The following DPF1 variants were observed in gnomAD, a reference collection of about 807,000 sequenced individuals.
DPF1 encodes the protein zinc finger protein neuro-d4.
DPF1 carries 14 observed loss-of-function variants against 58.7 expected under a neutral mutation model. That is an observed-to-expected ratio of 0.24 (90% CI 0.16 to 0.37). The LOEUF (loss-of-function observed/expected upper bound fraction) is 0.37. DPF1 is among the 10% of genes least tolerant of loss of function. The pLI is 1.00. For missense variants in DPF1, 345 were observed against 529.9 expected (o/e 0.65, Z 3.43); for synonymous variants, 216 against 216.0 (o/e 1.00, Z 0.00).
intron 10 of DPF1, among the ~76,000 whole-genome samples, chr19:38,213,267 G>A (rs146412584): frequency 1.3e-4 from 20 of 152,206 alleles, no homozygotes; most frequent in East Asian, 3.9e-4. Flanking sequence ...GAGCCACCGC[G>A]CTCCGCCTGT....
chr19:38,220,634 G>A (rs564374306), intron 3 of DPF1, among the ~76,000 whole-genome samples: 81 of 149,590 alleles, frequency 5.4e-4, no homozygotes, highest in African/African-American at 1.9e-3. Context: ...AAAAGAAAAA[G>A]AAAAAGAAAA....
In DPF1 at chr19:38,224,117, A is replaced by G; in HGVS notation, c.26T>C (p.Leu9Pro). The G allele has an allele frequency of 6.7e-7, 1 of 1,496,898 alleles. No individual in the cohort carries two copies. The highest frequency in any genetic ancestry group is 8.8e-7 in the Non-Finnish European group (1 of 1,133,464). The allele number at this position is 1,496,898 out of a possible 1,614,324, so 92.7% of individuals were successfully genotyped here. A position where few individuals can be genotyped will look rare whatever the true frequency, so the allele number is the denominator to read the frequency against. MATVIPGP[L>P]SLGEDFYREA... ...GCCTCCCGCCGGCCCGCACCACCTC[A>G]GGGGGCCAGGGATGACAGTGGCCAT... Residue 9 changes from leucine to proline, a missense_variant, in exon 1 of 12, where the codon CTG becomes CCG. By Grantham distance (98) the Leu-to-Pro change is moderately conservative. Coordinates refer to ENST00000355526, the MANE Select transcript of DPF1 (RefSeq NM_001135155.3). This position sits in a 1 kb window ranked among gnomAD's most constrained non-coding sequence, Gnocchi z 4.5.
chr19:38,213,969 A>C, intron 9 of DPF1: 1 of 558,878 alleles, frequency 1.8e-6, no homozygotes, highest in East Asian at 2.9e-5. Flanking sequence ...CCACCATGGC[A>C]ACCACACTCT....
rs1336916251 is a variant in DPF1, at chr19:38,214,303, A to G, written c.899-547T>C. ...CACAGCACTGTGCAGCGCCAGGCTT[A>G]GTCATTCCACAGCCCCGCTGCAGAG... is the stretch of plus-strand genomic sequence containing the variant. On this transcript the variant is annotated intron_variant, in intron 9 of 11. Transcript: ENST00000355526. Among the ~76,000 whole-genome samples, 13 of 152,208 alleles carry G rather than the reference A, an allele frequency of 8.5e-5. No homozygotes were observed. In the South Asian group the frequency reaches 2.5e-3, roughly 29 times the overall value.
At chr19:38,212,542 C>T (rs980095980) in intron 10 of DPF1, 181 bp from the exon 11 acceptor site, 1 of 443,910 alleles carries the variant, frequency 2.3e-6, no homozygotes, top group Non-Finnish European at 4.0e-6. Flanking sequence ...AAACACATAT[C>T]CCTCAGGACA....
At chr19:38,221,157 A>T (rs1388871699) in intron 3 of DPF1, among the ~76,000 whole-genome samples, 1 of 152,144 alleles carries the variant, frequency 6.6e-6, no homozygotes, top group East Asian at 1.9e-4. Context: ...CACCTAAGAG[A>T]GGAAAGAGCT....
chr19:38,216,073 C>T, intron 9 of DPF1, 67 bp downstream of exon 9: 2 of 1,545,488 alleles, frequency 1.3e-6, no homozygotes, highest in South Asian at 2.5e-5. Flanking sequence ...GCCTCCCTCC[C>T]TCCAGGTCTG....
At chr19:38,212,965 C>T (rs1318393591) in intron 10 of DPF1, among the ~76,000 whole-genome samples, 20 of 150,118 alleles carry the variant, frequency 1.3e-4, no homozygotes, top group African/African-American at 2.5e-4. Context: ...CTGCCAGAAA[C>T]GGTCATGGCT....
At chr19:38,226,503 T>TACACACACACACACACACAC (rs60328056), upstream of DPF1, among the ~76,000 whole-genome samples, 9 of 133,792 alleles carry the variant, frequency 6.7e-5, no homozygotes, top group East Asian at 4.6e-4. Context: ...CGGTCACTTC[T>TACACACACACACACACACAC]ACACACACAC....
At chr19:38,221,033 C>G (rs575115586) in intron 3 of DPF1, among the ~76,000 whole-genome samples, 1 of 152,176 alleles carries the variant, frequency 6.6e-6, no homozygotes, top group Non-Finnish European at 1.5e-5. Context: ...CAGAAAGAGA[C>G]GGCCGCACCG....
intron 1 of DPF1, 123 bp downstream of exon 1, chr19:38,223,991 C>T: frequency 8.6e-6 from 11 of 1,273,410 alleles, no homozygotes; most frequent in Non-Finnish European, 1.1e-5. Context: ...CACCCCCGCG[C>T]AGCCCCGCAC....
upstream of DPF1, among the ~76,000 whole-genome samples, chr19:38,228,866 G>T (rs1967935690): frequency 6.6e-6 from 1 of 151,556 alleles, no homozygotes; most frequent in African/African-American, 2.4e-5. Context: ...GGAATCCCCG[G>T]AGACCGAGGG....
Position 38,216,385 on chromosome 19 carries a change from G to T in DPF1, c.746C>A (p.Ala249Asp). ...NNHKQFYKEL[A>D]WVPEAQRKHT... ...TTTCCTTTGTGCCTCAGGGACCCAG[G>T]CCAATTCTTTGTAAAACTCTGGGGT... Residue 249 changes from alanine (A) to aspartate (D), a missense_variant, in exon 8 of 12, where the codon GCC (alanine) becomes GAC (aspartate). Transcript: ENST00000355526. 6.3e-7 allele frequency: 1 copy of T among 1,594,364 alleles called. No homozygotes were observed. The highest frequency in any genetic ancestry group is 8.5e-7 in the Non-Finnish European group (1 of 1,169,634).
chr19:38,222,738 G>C lies in DPF1; in HGVS notation c.30-30C>G. Reference sequence around the variant, plus strand: ...AGGGGCGGCGAACGGGCGGGCGGCTGTCAGCAAGGGCAGGCGCACAGGGTC... The same window carrying C: ...AGGGGCGGCGAACGGGCGGGCGGCTCTCAGCAAGGGCAGGCGCACAGGGTC... On this transcript the variant is annotated intron_variant, in intron 1 of 11. Transcript: ENST00000355526. This position sits in a 1 kb window ranked among gnomAD's most constrained non-coding sequence, Gnocchi z 4.9. The C allele has an allele frequency of 2.6e-6, 4 of 1,549,782 alleles. No homozygotes were observed. Among genetic ancestry groups the C allele is most frequent in the Non-Finnish European group, 3.5e-6 (4 of 1,148,650 alleles).
upstream of DPF1, among the ~76,000 whole-genome samples, chr19:38,226,537 CA>C (rs1190292561): frequency 5.3e-5 from 8 of 151,000 alleles, no homozygotes; most frequent in Admixed American, 2.0e-4. Flanking sequence ...CACACACACA[CA>C]CTCCTCTAGT....
chr19:38,217,431 G>A (rs1600252684), intron 7 of DPF1, 29 bp downstream of exon 7: 7 of 1,347,948 alleles, frequency 5.2e-6, no homozygotes, highest in Non-Finnish European at 6.8e-6. Flanking sequence ...CAGGGCCCCT[G>A]GCCACCCCCA....
intron 9 of DPF1, among the ~76,000 whole-genome samples, chr19:38,214,365 C>T (rs989943621): frequency 1.3e-5 from 2 of 152,200 alleles, no homozygotes; most frequent in Admixed American, 6.5e-5. Context: ...CGACCCATGG[C>T]GCCCGCCCCC....
Position 38,217,870 on chromosome 19 carries a change from C to T in DPF1, c.523G>A (p.Gly175Ser). ...RKNRAKGKAY[G>S]IGGLRKRQDT... ...TGGCGTTTCCGGAGACCCCCGATGC[C>T]ATATGCCTGTGGGGAGAGTCAGGAG... Residue 175 changes from glycine to serine, a missense_variant, in exon 6 of 12, where the codon GGC (glycine) becomes AGC (serine). Physicochemically the swap from Gly to Ser is moderately conservative, Grantham distance 56. Transcript: ENST00000355526. 6.2e-7 allele frequency: 1 copy of T among 1,614,068 alleles called. No homozygotes were observed. The highest frequency in any genetic ancestry group is 8.5e-7 in the Non-Finnish European group (1 of 1,180,000).
At chr19:38,214,470 CAA>C (rs1973706240) in intron 9 of DPF1, among the ~76,000 whole-genome samples, 1 of 152,202 alleles carries the variant, frequency 6.6e-6, no homozygotes, top group African/African-American at 2.4e-5. Context: ...ACGACAACCA[CAA>C]TTCATGACCT....
Sources: gnomAD v4.1 joint callset for allele counts (sites outside exome capture counted in the v4.1 genomes callset) on GRCh38, gnomAD v4.1.1 for gene constraint, Gnocchi (gnomAD v3.1) non-coding constraint, MANE v1.5 for transcripts, NCBI Gene and HGNC (gene_info 2026-07-23, HGNC 2026-07-21) for gene names.